The following IRGM variants were observed in gnomAD, a reference collection of about 807,000 sequenced individuals.
IRGM encodes the protein immunity related GTPase M.
For missense variants in IRGM, 288 were observed against 219.9 expected, an observed-to-expected ratio of 1.31 and a Z score of -1.96; for synonymous variants, 98 against 80.6, an observed-to-expected ratio of 1.22 and a Z score of -1.16.
At chr5:150,858,087 T>C (rs986821719) in intron 1 of IRGM, among the ~76,000 whole-genome samples, 13 of 152,142 alleles carry the variant, frequency 8.5e-5, no homozygotes, top group Non-Finnish European at 1.6e-4. Flanking sequence ...TAGTCCATCT[T>C]GAATTAATTT....
rs146682135 is a variant in IRGM, at chr5:150,893,166, G to A, written c.*141-7423G>A. 9.7e-3 allele frequency among the ~76,000 whole-genome samples: 1,472 copies of A among 152,056 alleles called. 17 individuals are homozygous for A. Among genetic ancestry groups the A allele is most frequent in the Middle Eastern group, 0.021 (6 of 292 alleles). On this transcript the variant is annotated intron_variant and NMD_transcript_variant, in intron 3 of 3. Coordinates refer to the IRGM transcript ENST00000520549. ...TGTTTTTTCTTTGTTTTACCCATTT[G>A]GATAACTGAGCCAGAGGCATTACTG...
intron 3 of IRGM, chr5:150,897,961 T>C (rs938887113): frequency 1.2e-5 from 17 of 1,445,346 alleles, no homozygotes; most frequent in Admixed American, 1.1e-4. Flanking sequence ...GACTACTAAA[T>C]TCTCAGCATA....
chr5:150,848,553 G>T lies in IRGM; in HGVS notation c.430G>T (p.Val144Phe), dbSNP rs1217660445. 9.0e-6 allele frequency: 14 copies of T among 1,551,702 alleles called. No individual in the cohort carries two copies. In the Admixed American group the frequency reaches 2.7e-4, roughly 30 times the overall value. The change falls in exon 2 of 2, where the codon GTC (valine) becomes TTC (phenylalanine). Residue 144 changes from valine to phenylalanine, a missense_variant. Val to Phe is a conservative substitution (Grantham distance 50, BLOSUM62 -1). Transcript: ENST00000522154. Reference sequence around the variant, plus strand: ...GGACATGGGAAAGAAGTTCTACATTGTCTGGACCAAGCTAGACATGGACCT... The same window carrying T: ...GGACATGGGAAAGAAGTTCTACATTTTCTGGACCAAGCTAGACATGGACCT... ...AEDMGKKFYI[V>F]WTKLDMDLST...
intron 3 of IRGM, chr5:150,896,162 C>T (rs1422574592): frequency 4.3e-6 from 7 of 1,613,154 alleles, no homozygotes; most frequent in South Asian, 1.1e-5. Context: ...AGAAGGCTTT[C>T]CCGCATTCAC....
At chr5:150,867,104 TG>T (rs1311554685) in intron 1 of IRGM, among the ~76,000 whole-genome samples, 1 of 152,184 alleles carries the variant, frequency 6.6e-6, no homozygotes, top group Non-Finnish European at 1.5e-5. Context: ...TCTGAAATTT[TG>T]TGCACTCATC....
rs143469875 is a variant in IRGM at position 150,846,655 on chromosome 5, C to T, written c.-981C>T. On this transcript the variant is annotated 5_prime_UTR_variant, in exon 1 of 2. Transcript: ENST00000522154. Reference sequence around the variant, plus strand: ...TAACACTCACCGTGAAGGTCTGCAGCATCACTCCTGAAACCTGTGAAACAA... The same window carrying T: ...TAACACTCACCGTGAAGGTCTGCAGTATCACTCCTGAAACCTGTGAAACAA... 843 of 139,798 alleles carry T rather than the reference C, an allele frequency of 6.0e-3. 3 individuals are homozygous for T. Among genetic ancestry groups the T allele is most frequent in the Non-Finnish European group, 6.6e-3 (436 of 66,560 alleles). 8.7% of individuals were successfully genotyped at this position (139,798 alleles called of 1,614,324 possible).
intron 1 of IRGM, among the ~76,000 whole-genome samples, chr5:150,873,297 A>C (rs1475842886): frequency 6.6e-6 from 1 of 152,212 alleles, no homozygotes; most frequent in Non-Finnish European, 1.5e-5. Context: ...ATATAAACAG[A>C]ATCACAGCCC....
intron 3 of IRGM, among the ~76,000 whole-genome samples, chr5:150,892,212 T>TGG (rs1754620693): frequency 6.6e-6 from 1 of 151,992 alleles, no homozygotes; most frequent in African/African-American, 2.4e-5. Context: ...TTATGGAGTT[T>TGG]TTTTTTTTCA....
At chr5:150,866,355 C>G (rs1754209150) in intron 1 of IRGM, among the ~76,000 whole-genome samples, 1 of 152,176 alleles carries the variant, frequency 6.6e-6, no homozygotes, top group African/African-American at 2.4e-5. Flanking sequence ...AGAAGAAAAA[C>G]TGCTTCCTCC....
At chr5:150,849,750 G>A (rs2113249545), downstream of IRGM, among the ~76,000 whole-genome samples, 1 of 151,922 alleles carries the variant, frequency 6.6e-6, no homozygotes. Context: ...GAGACAACAG[G>A]TGCACACCAC....
chr5:150,863,221 T>TAATG (rs1445866467), intron 1 of IRGM, among the ~76,000 whole-genome samples: 1 of 152,186 alleles, frequency 6.6e-6, no homozygotes, highest in Non-Finnish European at 1.5e-5. Flanking sequence ...CACAGGAATA[T>TAATG]AATGGTATGA....
At chr5:150,857,821 C>G (rs555928923) in intron 1 of IRGM, among the ~76,000 whole-genome samples, 1 of 152,054 alleles carries the variant, frequency 6.6e-6, no homozygotes, top group Admixed American at 6.6e-5. Flanking sequence ...GATTCTGGAT[C>G]TTAGCCCTTT....
At chr5:150,896,503 A>G (rs1421853698) in intron 3 of IRGM, 6 of 1,613,570 alleles carry the variant, frequency 3.7e-6, no homozygotes, top group Non-Finnish European at 8.5e-7. Context: ...ACGTTTCCAC[A>G]CTGATTATCA....
At position 150,866,046 on chromosome 5, in the gene IRGM, T is replaced by G. The variant is rs372793938; in HGVS notation, c.159-11934T>G. On this transcript the variant is annotated intron_variant and NMD_transcript_variant, in intron 1 of 3. Transcript: ENST00000520549. ...TGCTAGGATTAGAGGCGTTTGCCAC[T>G]GCGCTCAGCCAAGGATGTCTTTTTA... Among the ~76,000 whole-genome samples, 6 of 152,310 alleles carry G rather than the reference T, an allele frequency of 3.9e-5. No homozygotes were observed. In the East Asian group the frequency reaches 7.7e-4, roughly 20 times the overall value.
rs1374455564 is a variant in IRGM, at chr5:150,847,056, A to G, written c.-580A>G. ...GCAATTGTCTAATCACTGCCTTGAA[A>G]AAGAGCAGAGCATTTGAGTATGCTG... is the stretch of plus-strand genomic sequence containing the variant. On this transcript the variant is annotated 5_prime_UTR_variant, in exon 1 of 2. Coordinates refer to ENST00000522154, the MANE Select transcript of IRGM (RefSeq NM_001145805.2). The G allele has an allele frequency of 4.6e-5, 7 of 152,354 alleles. No individual in the cohort carries two copies. Among genetic ancestry groups the G allele is most frequent in the Non-Finnish European group, 7.3e-5 (5 of 68,032 alleles). 9.4% of individuals were successfully genotyped at this position (152,354 alleles called of 1,614,324 possible).
chr5:150,881,668 A>G (rs1393620179), intron 3 of IRGM, among the ~76,000 whole-genome samples: 2 of 152,194 alleles, frequency 1.3e-5, no homozygotes, highest in African/African-American at 4.8e-5. Flanking sequence ...TAATAGCAAT[A>G]TCATCACTGC....
At chr5:150,886,303 C>A (rs574370427) in intron 3 of IRGM, among the ~76,000 whole-genome samples, 1 of 152,144 alleles carries the variant, frequency 6.6e-6, no homozygotes, top group African/African-American at 2.4e-5. Context: ...ATTTGGTTTG[C>A]AAATATTTTG....
downstream of IRGM, among the ~76,000 whole-genome samples, chr5:150,851,293 G>T (rs1753971067): frequency 6.6e-6 from 1 of 152,174 alleles, no homozygotes; most frequent in African/African-American, 2.4e-5. Context: ...ATGCTGTAGG[G>T]TGTTGCATGC....
chr5:150,862,302 A>G (rs1754147664), intron 1 of IRGM, among the ~76,000 whole-genome samples: 1 of 152,218 alleles, frequency 6.6e-6, no homozygotes, highest in Non-Finnish European at 1.5e-5. Flanking sequence ...ATGTAGTCAC[A>G]GAGTGACACC....
Sources: allele counts gnomAD v4.1 joint callset (sites outside exome capture counted in the v4.1 genomes callset), GRCh38; gene constraint gnomAD v4.1.1; transcripts MANE v1.5; gene names NCBI Gene and HGNC (gene_info 2026-07-23, HGNC 2026-07-21).